The following LHX8 variants were observed in gnomAD, a reference collection of about 807,000 sequenced individuals.
LHX8 encodes the protein LIM homeobox 8, also known as LIM/homeobox protein Lhx8.
A neutral mutation model predicts 40.3 loss-of-function variants in LHX8; 12 were observed. The observed-to-expected ratio is 0.30, with a 90% CI of 0.19 to 0.48. The LOEUF is 0.48. LHX8 is among the 20% of genes least tolerant of loss of function. The pLI, the probability that LHX8 is intolerant of heterozygous loss-of-function variation, is 0.99. For missense variants in LHX8, 344 were observed against 433.7 expected (o/e 0.79, Z 1.84); for synonymous variants, 179 against 162.0 (o/e 1.10, Z -0.80).
chr1:75,146,651 A>T (rs1011978662), intron 6 of LHX8, among the ~76,000 whole-genome samples: 1 of 152,168 alleles, frequency 6.6e-6, no homozygotes, highest in Non-Finnish European at 1.5e-5. Context: ...CTTCAGCAGC[A>T]TTAGTGCCTA....
At chr1:75,166,651 A>G in the LHX8 span, among the ~76,000 whole-genome samples, 6 of 152,094 alleles carry the variant, frequency 3.9e-5, no homozygotes, top group Non-Finnish European at 7.4e-5. Flanking sequence ...ACCATATGCA[A>G]TTTTCCTAGT....
In LHX8 at chr1:75,136,911, G is replaced by A. The variant is rs1054226945; in HGVS notation, c.76-189G>A. On this transcript the variant is annotated intron_variant, in intron 2 of 8. Coordinates refer to ENST00000356261, the MANE Select transcript of LHX8 (RefSeq NM_001256114.2). ...GGTCCGAATAGGTCAGGGGTCGGCA[G>A]CCCCAGCGGGTGCGTAGCCAGAGCT... Among the ~76,000 whole-genome samples, 4 of 146,452 alleles carry A rather than the reference G, an allele frequency of 2.7e-5. No homozygotes were observed. The East Asian group carries it at 6.6e-4, about 24-fold the overall frequency.
intron 2 of LHX8, 116 bp from the exon 3 acceptor site, chr1:75,136,979 GGGGGT>G: frequency 7.0e-6 from 8 of 1,144,444 alleles, no homozygotes; most frequent in East Asian, 2.6e-5. Flanking sequence ...TCAAGAAGCT[GGGGGT>G]GGGGTGGGGT....
chr1:75,160,025 C>T (rs1183529176), intron 8 of LHX8: 11 of 152,144 alleles, frequency 7.2e-5, no homozygotes, highest in Admixed American at 6.6e-4. Flanking sequence ...TGTTTCTCAC[C>T]ACTCTGCCAA....
At chr1:75,140,647 A>G (rs1557487498) in intron 3 of LHX8, among the ~76,000 whole-genome samples, 2 of 152,224 alleles carry the variant, frequency 1.3e-5, no homozygotes, top group Admixed American at 1.3e-4. Flanking sequence ...ACCTGTATGT[A>G]GGACTTTAAA....
upstream of LHX8, chr1:75,131,178 T>C (rs953747935): frequency 1.5e-5 from 4 of 265,988 alleles, no homozygotes; most frequent in Admixed American, 1.3e-4. Context: ...CTCGCCCCGA[T>C]CTCCACAGGT....
chr1:75,142,573 G>C (rs1648344773), intron 4 of LHX8, among the ~76,000 whole-genome samples: 1 of 152,094 alleles, frequency 6.6e-6, no homozygotes, highest in Non-Finnish European at 1.5e-5. Flanking sequence ...TCACCCAACA[G>C]GGTGAAGAAT....
Position 75,141,851 on chromosome 1 carries a change from T to G in LHX8, c.359+745T>G, listed in dbSNP as rs182931239. ...TTTTCTAAATGAAAAATGTTCATTG[T>G]AAAACGGGGAAATTAATACTATATA... On this transcript the variant is annotated intron_variant, in intron 4 of 8. Transcript: ENST00000356261. Among the ~76,000 whole-genome samples the G allele has an allele frequency of 1.0e-3, 158 of 152,308 alleles. 1 individual carries two copies. The highest frequency in any genetic ancestry group is 3.6e-3 in the African/African-American group (151 of 41,574).
At chr1:75,146,078 T>A (rs1648452355) in intron 6 of LHX8, among the ~76,000 whole-genome samples, 1 of 152,134 alleles carries the variant, frequency 6.6e-6, no homozygotes, top group South Asian at 2.1e-4. Flanking sequence ...ATAGATATTT[T>A]AAAAAACTGA....
In LHX8 at chr1:75,161,225, AT is replaced by A. The variant is rs1416328958; in HGVS notation, c.*331del. 4.0e-6 allele frequency: 1 copy of A among 247,226 alleles called. No homozygotes were observed. Among genetic ancestry groups the A allele is most frequent in the African/African-American group, 2.3e-5 (1 of 43,900 alleles). 15.3% of individuals were successfully genotyped at this position (247,226 alleles called of 1,614,324 possible). ...AAGAAAGGACTGACAAGTGTGCAAA[AT>A]GTTTACAATCTTTTGTGAAATTGTA... On this transcript the variant is annotated 3_prime_UTR_variant, in exon 9 of 9. Coordinates refer to ENST00000356261, the MANE Select transcript of LHX8 (RefSeq NM_001256114.2).
At chr1:75,162,547 C>A (rs1300644433), downstream of LHX8, among the ~76,000 whole-genome samples, 1 of 150,612 alleles carries the variant, frequency 6.6e-6, no homozygotes, top group East Asian at 2.0e-4. Flanking sequence ...TTTTCCTGTG[C>A]TCATCATCCT....
the LHX8 span, among the ~76,000 whole-genome samples, chr1:75,193,503 C>T: frequency 4.6e-5 from 7 of 152,196 alleles, no homozygotes; most frequent in African/African-American, 1.4e-4. Flanking sequence ...CCCTATCACA[C>T]GTTGAACAGC....
chr1:75,137,078 T>A (rs2100331672), intron 2 of LHX8, 22 bp from the exon 3 acceptor site: 2 of 1,592,326 alleles, frequency 1.3e-6, no homozygotes, highest in East Asian at 4.5e-5. Context: ...TAGAACCGCC[T>A]GCGCCTCGCG....
intron 6 of LHX8, 110 bp from the exon 7 acceptor site, chr1:75,148,477 A>G: frequency 3.9e-6 from 3 of 777,198 alleles, no homozygotes; most frequent in East Asian, 2.7e-5. Flanking sequence ...TTCAAGTAAC[A>G]AAAGTATCCC....
chr1:75,170,744 A>G, the LHX8 span, among the ~76,000 whole-genome samples: 1 of 152,188 alleles, frequency 6.6e-6, no homozygotes, highest in African/African-American at 2.4e-5. Flanking sequence ...TGTCTCTCCT[A>G]AGCTTCCTGG....
At chr1:75,149,012 G>C (rs1557491258) in intron 7 of LHX8, among the ~76,000 whole-genome samples, 1 of 152,096 alleles carries the variant, frequency 6.6e-6, no homozygotes, top group Non-Finnish European at 1.5e-5. Flanking sequence ...TGATTATCCT[G>C]CTTGGGCTAG....
the LHX8 span, chr1:75,182,964 C>T: frequency 3.3e-5 from 5 of 152,080 alleles, no homozygotes; most frequent in Non-Finnish European, 7.4e-5. Flanking sequence ...GAATGGTTAG[C>T]TGTTCACTCC....
the LHX8 span, among the ~76,000 whole-genome samples, chr1:75,179,445 T>C: frequency 2.0e-5 from 3 of 152,136 alleles, no homozygotes; most frequent in African/African-American, 7.2e-5. Flanking sequence ...CTTGTCTCTT[T>C]TGATCTTTTT....
At chr1:75,185,467 T>G in the LHX8 span, among the ~76,000 whole-genome samples, 1 of 151,748 alleles carries the variant, frequency 6.6e-6, no homozygotes, top group Non-Finnish European at 1.5e-5. Context: ...TCAATAAATG[T>G]GATTCATCAC....
Sources: allele counts gnomAD v4.1 joint callset (sites outside exome capture counted in the v4.1 genomes callset), GRCh38; gene constraint gnomAD v4.1.1; transcripts MANE v1.5; gene names NCBI Gene and HGNC (gene_info 2026-07-23, HGNC 2026-07-21).